The following ZMYM2 variants were observed in gnomAD, a reference collection of about 807,000 sequenced individuals.
ZMYM2 encodes zinc finger MYM-type containing 2.
In ZMYM2, 56 loss-of-function variants were observed where a neutral mutation model predicts 162.8. The ratio of observed to expected loss-of-function variants is 0.34; its 90% CI spans 0.28 to 0.43. The LOEUF is 0.43. Ranked by LOEUF, ZMYM2 falls within the 20% of genes least tolerant of loss-of-function variation. The pLI, the probability that ZMYM2 is intolerant of heterozygous loss-of-function variation, is 1.00. For synonymous variants in ZMYM2, 510 were observed against 541.6 expected, an observed-to-expected ratio of 0.94 and a Z score of 0.81; for missense variants, 1,275 against 1,621.8, an observed-to-expected ratio of 0.79 and a Z score of 3.67.
chr13:20,011,573 G>GTTTTT lies in ZMYM2; in HGVS notation c.1512+4991_1512+4992insTTTTT, dbSNP rs764404253. Among the ~76,000 whole-genome samples the GTTTTT allele has an allele frequency of 7.3e-3, 1,046 of 143,946 alleles. 36 individuals carry two copies. Among genetic ancestry groups the GTTTTT allele is most frequent in the African/African-American group, 0.015 (581 of 37,834 alleles). 94.4% of individuals were successfully genotyped at this position (143,946 alleles called of 152,430 possible). On this transcript the variant is annotated intron_variant, in intron 6 of 24. Coordinates refer to ENST00000610343, the MANE Select transcript of ZMYM2 (RefSeq NM_197968.4). ...GATGTGCAGAAGTTTTTATTTTTTTGTTTTATTTTTTTTTTTTTTGAGGGG... is the reference window on the plus strand; with the variant it reads ...GATGTGCAGAAGTTTTTATTTTTTTGTTTTTTTTTATTTTTTTTTTTTTTGAGGGG...
chr13:20,059,629 A>G, intron 16 of ZMYM2, 67 bp downstream of exon 16: 4 of 779,698 alleles, frequency 5.1e-6, no homozygotes, highest in Non-Finnish European at 6.9e-6. Context: ...AACAGTGTAC[A>G]GTTGACCCTT....
intron 2 of ZMYM2, among the ~76,000 whole-genome samples, chr13:19,965,769 T>TTG: frequency 7.2e-6 from 1 of 138,434 alleles, no homozygotes; most frequent in Admixed American, 7.6e-5. Context: ...GGTATCTGAA[T>TTG]TCTTTTTTTT....
the ZMYM2 span, among the ~76,000 whole-genome samples, chr13:19,939,532 T>C: frequency 6.6e-6 from 1 of 152,232 alleles, no homozygotes; most frequent in African/African-American, 2.4e-5. Flanking sequence ...TATTTTGTGT[T>C]TCATCTGCAT....
chr13:19,896,079 G>C, the ZMYM2 span, among the ~76,000 whole-genome samples: 2 of 145,762 alleles, frequency 1.4e-5, no homozygotes, highest in African/African-American at 5.0e-5. Context: ...CCACATTTTA[G>C]CTATTGTGAA....
At chr13:19,949,884 C>CAA in the ZMYM2 span, among the ~76,000 whole-genome samples, 38,016 of 90,976 alleles carry the variant, frequency 0.42, 5,721 homozygotes, top group Admixed American at 0.47. Context: ...GAGACTTTGT[C>CAA]AAAAAAAAAA....
chr13:20,032,993 T>G (rs1442272980), intron 10 of ZMYM2, among the ~76,000 whole-genome samples: 1 of 152,162 alleles, frequency 6.6e-6, no homozygotes, highest in Non-Finnish European at 1.5e-5. Flanking sequence ...TAGTTTATTA[T>G]TTGCTTTGGT....
the ZMYM2 span, among the ~76,000 whole-genome samples, chr13:19,946,442 T>C: frequency 2.0e-5 from 3 of 152,248 alleles, no homozygotes; most frequent in East Asian, 3.8e-4. Flanking sequence ...ATTACTTCTC[T>C]GGTTCTTCTA....
chr13:20,073,644 G>A (rs974034665), intron 21 of ZMYM2, among the ~76,000 whole-genome samples: 3 of 152,050 alleles, frequency 2.0e-5, no homozygotes, highest in Non-Finnish European at 4.4e-5. Context: ...CTTACATCAC[G>A]AATTTTTATA....
In ZMYM2 at chr13:20,044,927, G is replaced by A. The variant is rs571445362; in HGVS notation, c.2293-6506G>A. On this transcript the variant is annotated intron_variant, in intron 12 of 24. Transcript: ENST00000610343. ...TAGCCATGCATGGTGGTGCATGCCT[G>A]TAATCTCAGCTACTCGGGAGGCTGA... 3.3e-3 allele frequency among the ~76,000 whole-genome samples: 502 copies of A among 151,864 alleles called. 3 individuals carry two copies. The highest frequency in any genetic ancestry group is 0.012 in the African/African-American group (489 of 41,404).
intron 2 of ZMYM2, among the ~76,000 whole-genome samples, chr13:19,986,470 T>C (rs1949150956): frequency 6.6e-6 from 1 of 152,168 alleles, no homozygotes; most frequent in Admixed American, 6.5e-5. Flanking sequence ...TAAACATCAT[T>C]ACTCTAAGGC....
chr13:20,041,570 G>A (rs1009952945), intron 12 of ZMYM2, among the ~76,000 whole-genome samples: 23 of 152,178 alleles, frequency 1.5e-4, no homozygotes, highest in Non-Finnish European at 2.2e-4. Flanking sequence ...ATTGATATGT[G>A]TGGGTTTGAT....
Position 19,986,051 on chromosome 13 carries a change from G to A in ZMYM2, c.-10-7012G>A, listed in dbSNP as rs373549787. Among the ~76,000 whole-genome samples, 21 of 151,910 alleles carry A rather than the reference G, an allele frequency of 1.4e-4. No homozygotes were observed. The East Asian group carries it at 1.7e-3, about 13-fold the overall frequency. On this transcript the variant is annotated intron_variant, in intron 2 of 24. Coordinates refer to ENST00000610343, the MANE Select transcript of ZMYM2 (RefSeq NM_197968.4). ...AAAAATACAAAAAAATCAGCCTGGCGTGTGGCGTGTGCCTGTGGTCCCCGT... is the reference window on the plus strand; with the variant it reads ...AAAAATACAAAAAAATCAGCCTGGCATGTGGCGTGTGCCTGTGGTCCCCGT...
At chr13:19,910,534 CT>C in the ZMYM2 span, among the ~76,000 whole-genome samples, 22 of 147,698 alleles carry the variant, frequency 1.5e-4, no homozygotes, top group African/African-American at 3.0e-4. Context: ...CTCTCTCTCT[CT>C]TTTTTTTTTT....
intron 7 of ZMYM2, 116 bp downstream of exon 7, chr13:20,019,734 A>G (rs1201081336): frequency 1.0e-5 from 9 of 890,988 alleles, no homozygotes; most frequent in Non-Finnish European, 1.6e-5. Flanking sequence ...AAATTTCCAA[A>G]CTTAAATTGT....
At chr13:19,875,802 T>C in the ZMYM2 span, among the ~76,000 whole-genome samples, 1 of 151,892 alleles carries the variant, frequency 6.6e-6, no homozygotes, top group Admixed American at 6.6e-5. Context: ...ATAGGAACAA[T>C]AGACTCTGGG....
chr13:20,016,523 G>A (rs1251106590), intron 6 of ZMYM2, among the ~76,000 whole-genome samples: 1 of 152,094 alleles, frequency 6.6e-6, no homozygotes, highest in Non-Finnish European at 1.5e-5. Flanking sequence ...CATTTGTTTT[G>A]TAGGGTAGAT....
chr13:20,055,555 G>GC (rs1427180285), intron 14 of ZMYM2, among the ~76,000 whole-genome samples: 1 of 152,152 alleles, frequency 6.6e-6, no homozygotes, highest in African/African-American at 2.4e-5. Context: ...GTCACTAAGA[G>GC]CAAGAAAGCT....
chr13:20,046,609 ATATATATGTGTATATATATGTG>A (rs1365124968), intron 12 of ZMYM2, among the ~76,000 whole-genome samples: 8 of 135,466 alleles, frequency 5.9e-5, no homozygotes, highest in Admixed American at 7.6e-5. Context: ...GTGTGTGTGT[ATATATATGTGTATATATATGTG>A]TATATATATG....
chr13:20,005,805 C>A (rs1288966707), intron 5 of ZMYM2, among the ~76,000 whole-genome samples: 1 of 152,108 alleles, frequency 6.6e-6, no homozygotes, highest in East Asian at 1.9e-4. Context: ...TTAATATCAC[C>A]ACTACCCAAA....
Sources: gnomAD v4.1 joint callset for allele counts (sites outside exome capture counted in the v4.1 genomes callset) on GRCh38, gnomAD v4.1.1 for gene constraint, MANE v1.5 for transcripts, NCBI Gene and HGNC (gene_info 2026-07-23, HGNC 2026-07-21) for gene names.